Variants in SLC7A8 observed in about 807,000 individuals in gnomAD.
The protein encoded by SLC7A8 is large neutral amino acids transporter small subunit 2.
Under a neutral mutation model 51.2 loss-of-function variants are expected in SLC7A8, and 30 were observed. The ratio of observed to expected loss-of-function variants is 0.59; its 90% confidence interval spans 0.44 to 0.80. SLC7A8 has a LOEUF of 0.80. Ranked by LOEUF, SLC7A8 falls within the 30% of genes least tolerant of loss-of-function variation. The pLI is 0.00. For missense variants in SLC7A8, 612 were observed against 674.4 expected, an observed-to-expected ratio of 0.91 and a Z score of 1.03; for synonymous variants, 257 against 275.8, an observed-to-expected ratio of 0.93 and a Z score of 0.67.
At chr14:23,153,467 A>C (rs952881910) in intron 3 of SLC7A8, among the ~76,000 whole-genome samples, 5 of 152,240 alleles carry the variant, frequency 3.3e-5, no homozygotes, top group Middle Eastern at 6.8e-3. Context: ...AGTGGTACCC[A>C]TGGTCACTAC....
At chr14:23,144,996 G>A (rs1304716053) in intron 3 of SLC7A8, among the ~76,000 whole-genome samples, 2 of 149,344 alleles carry the variant, frequency 1.3e-5, no homozygotes, top group Non-Finnish European at 3.0e-5. Context: ...GCAGTGGCGC[G>A]ATCTCGGCTC....
At chr14:23,170,511 T>C (rs2048970383) in intron 1 of SLC7A8, among the ~76,000 whole-genome samples, 1 of 152,184 alleles carries the variant, frequency 6.6e-6, no homozygotes, top group Non-Finnish European at 1.5e-5. Flanking sequence ...CAGGCTGAAG[T>C]GCAGTGGTGC....
At position 23,183,496 on chromosome 14, in the gene SLC7A8, G is replaced by C. The variant is rs1276003404; in HGVS notation, c.-582C>G. Reference sequence around the variant, plus strand: ...GTTGCTCTAGATCTGGTTTCCACCTGCTTTGGGTTTCTTTTCCCTTCCCCG... The same window carrying C: ...GTTGCTCTAGATCTGGTTTCCACCTCCTTTGGGTTTCTTTTCCCTTCCCCG... On this transcript the variant is annotated 5_prime_UTR_variant, in exon 1 of 11. Transcript: ENST00000316902. 1 of 152,118 alleles carries C rather than the reference G, an allele frequency of 6.6e-6. No individual in the cohort carries two copies. The highest frequency in any genetic ancestry group is 1.5e-5 in the Non-Finnish European group (1 of 68,074). The allele number at this position is 152,118 out of a possible 1,614,324, so 9.4% of individuals were successfully genotyped here.
In SLC7A8 at chr14:23,165,807, A is replaced by G. The variant is rs188756595; in HGVS notation, c.357-371T>C. 2.6e-3 allele frequency among the ~76,000 whole-genome samples: 403 copies of G among 152,244 alleles called. 3 individuals carry two copies. Among genetic ancestry groups the G allele is most frequent in the Middle Eastern group, 3.4e-3 (1 of 294 alleles). Reference sequence around the variant, plus strand: ...TACGTAAGCAATAATCAGGAGAGGTATCAAGTGGGGGTTTGCAGGGGAAGC... The same window carrying G: ...TACGTAAGCAATAATCAGGAGAGGTGTCAAGTGGGGGTTTGCAGGGGAAGC... On this transcript the variant is annotated intron_variant, in intron 2 of 10. Transcript: ENST00000316902. The surrounding 1 kb of genome is among the most constrained non-coding windows in gnomAD (Gnocchi z 4.2).
At chr14:23,148,612 C>G (rs1304072492) in intron 3 of SLC7A8, among the ~76,000 whole-genome samples, 1 of 152,056 alleles carries the variant, frequency 6.6e-6, no homozygotes, top group South Asian at 2.1e-4. Context: ...AAGAGGGAGG[C>G]AAGAAGGTCA....
chr14:23,176,941 CAAAAAAA>C (rs10633003), intron 1 of SLC7A8, among the ~76,000 whole-genome samples: 1 of 72,868 alleles, frequency 1.4e-5, no homozygotes, highest in Non-Finnish European at 3.1e-5. Flanking sequence ...GACTCTGTCT[CAAAAAAA>C]AAAAAAAAAA....
At chr14:23,148,360 CTGGGATTA>C (rs1236012439) in intron 3 of SLC7A8, among the ~76,000 whole-genome samples, 2 of 152,154 alleles carry the variant, frequency 1.3e-5, no homozygotes, top group African/African-American at 4.8e-5. Context: ...TCCCAAGTAG[CTGGGATTA>C]CAGGTGTCCG....
At chr14:23,127,509 G>A (rs920896732) in intron 10 of SLC7A8, among the ~76,000 whole-genome samples, 166 bp from the exon 11 acceptor site, 2 of 152,150 alleles carry the variant, frequency 1.3e-5, no homozygotes, top group Non-Finnish European at 2.9e-5. Context: ...TGCATCTCCC[G>A]CCGGCTACTC....
At chr14:23,142,085 T>A (rs897795311) in intron 4 of SLC7A8, among the ~76,000 whole-genome samples, 1 of 152,216 alleles carries the variant, frequency 6.6e-6, no homozygotes, top group African/African-American at 2.4e-5. Context: ...GTTAAAGAAC[T>A]TAATCCAACT....
rs1182037989 is a variant in SLC7A8, at chr14:23,128,837, C to T, written c.1264-641G>A. Among the ~76,000 whole-genome samples the T allele has an allele frequency of 6.6e-6, 1 of 152,194 alleles. No individual in the cohort carries two copies. The highest frequency in any genetic ancestry group is 1.5e-5 in the Non-Finnish European group (1 of 68,038). ...TGTGTGGTGGGGACATGGGGTTATTCTACCTCCTCTTCCCTCTAGCAGATT... is the reference window on the plus strand; with the variant it reads ...TGTGTGGTGGGGACATGGGGTTATTTTACCTCCTCTTCCCTCTAGCAGATT... On this transcript the variant is annotated intron_variant, in intron 9 of 10. Coordinates refer to ENST00000316902, the MANE Select transcript of SLC7A8 (RefSeq NM_012244.4). This position sits in a 1 kb window ranked among gnomAD's most constrained non-coding sequence, Gnocchi z 4.3.
chr14:23,127,921 C>T (rs2048593081), intron 10 of SLC7A8, 98 bp downstream of exon 10: 1 of 1,062,256 alleles, frequency 9.4e-7, no homozygotes, highest in African/African-American at 1.6e-5. Context: ...GAAGGTGAGC[C>T]TAGATCTCCT....
intron 3 of SLC7A8, chr14:23,154,365 G>C (rs1236110939): frequency 3.0e-6 from 3 of 999,292 alleles, no homozygotes; most frequent in Admixed American, 6.1e-5. Flanking sequence ...GTCCCTCCCA[G>C]CAGCCCTCTG....
rs2048595089 is a variant in SLC7A8 at position 23,128,043 on chromosome 14, G to T, written c.1417C>A (p.Pro473Thr). 1.2e-6 allele frequency: 2 copies of T among 1,613,956 alleles called. No homozygotes were observed. The highest frequency in any genetic ancestry group is 4.5e-5 in the East Asian group (2 of 44,898). ...CCAATGAAGTCACTGAAACACTTGG[G>T]CTTGTGTTGCCAGTAAACACCCAGG... ...YFLGVYWQHKPKCFSDFIELL... is the reference protein window; with the variant it reads ...YFLGVYWQHKTKCFSDFIELL... The change falls in exon 10 of 11, where the codon CCC (proline) becomes ACC (threonine). Residue 473 changes from proline (P) to threonine (T), a missense_variant. Physicochemically the swap from Pro to Thr is conservative, Grantham distance 38 (BLOSUM62 -1). Coordinates refer to ENST00000316902, the MANE Select transcript of SLC7A8 (RefSeq NM_012244.4). The surrounding 1 kb of genome is among the most constrained non-coding windows in gnomAD (Gnocchi z 4.3).
intron 7 of SLC7A8, among the ~76,000 whole-genome samples, chr14:23,135,838 T>C (rs1284819906): frequency 6.6e-6 from 1 of 152,244 alleles, no homozygotes; most frequent in Non-Finnish European, 1.5e-5. Context: ...AAACATCATC[T>C]GTAGCTTGAA....
chr14:23,145,618 C>T (rs745464370), intron 3 of SLC7A8, among the ~76,000 whole-genome samples: 5 of 151,428 alleles, frequency 3.3e-5, no homozygotes, highest in Admixed American at 6.6e-5. Flanking sequence ...TTATCATTGG[C>T]GCCTGCAAAT....
intron 8 of SLC7A8, among the ~76,000 whole-genome samples, chr14:23,131,180 T>C (rs984665087): frequency 6.6e-6 from 1 of 152,150 alleles, no homozygotes; most frequent in Non-Finnish European, 1.5e-5. Context: ...GGCTGTAGAA[T>C]CCTGAGACAG....
Position 23,139,463 on chromosome 14 carries a change from C to A in SLC7A8, c.873G>T (p.Met291Ile). Residue 291 changes from methionine (M) to isoleucine (I), a missense_variant, in exon 6 of 11, where the codon ATG (methionine) becomes ATT (isoleucine). Physicochemically the swap from Met to Ile is conservative, Grantham distance 10 (BLOSUM62 1). Transcript: ENST00000316902. Reference protein sequence around the residue: ...VFANVAYVTAMSPQELLASNA... With the variant: ...VFANVAYVTAISPQELLASNA... Reference sequence around the variant, plus strand: ...TGGATGCCAGCAGCTCCTGGGGGGACATTGCAGTGACATAAGCGACATTGG... The same window carrying A: ...TGGATGCCAGCAGCTCCTGGGGGGAAATTGCAGTGACATAAGCGACATTGG... 6.2e-7 allele frequency: 1 copy of A among 1,614,114 alleles called. No homozygotes were observed.
intron 1 of SLC7A8, among the ~76,000 whole-genome samples, chr14:23,170,815 C>A (rs2048971885): frequency 6.6e-6 from 1 of 152,046 alleles, no homozygotes; most frequent in Admixed American, 6.6e-5. Context: ...AGCCTCAAAC[C>A]CCTGGGCTCA....
Position 23,165,150 on chromosome 14 carries a change from C to A in SLC7A8, c.508+135G>T. On this transcript the variant is annotated intron_variant, in intron 3 of 10. Coordinates refer to ENST00000316902, the MANE Select transcript of SLC7A8 (RefSeq NM_012244.4). The surrounding 1 kb of genome is among the most constrained non-coding windows in gnomAD (Gnocchi z 4.2). The stretch of plus-strand genomic sequence containing the variant: ...GGAGGATCACTTGAGCCCAGGAGTT[C>A]AAGGCTGCAGTGAGCTATGATCATG... The A allele has an allele frequency of 2.2e-6, 2 of 926,792 alleles. No homozygotes were observed. The highest frequency in any genetic ancestry group is 2.3e-5 in the South Asian group (1 of 42,678). The allele number at this position is 926,792 out of a possible 1,614,324, so 57.4% of individuals were successfully genotyped here. A position where few individuals can be genotyped will look rare whatever the true frequency, so the allele number is the denominator to read the frequency against.
Sources: gnomAD v4.1 joint callset for allele counts (sites outside exome capture counted in the v4.1 genomes callset) on GRCh38, gnomAD v4.1.1 for gene constraint, Gnocchi (gnomAD v3.1) non-coding constraint, MANE v1.5 for transcripts, NCBI Gene and HGNC (gene_info 2026-07-23, HGNC 2026-07-21) for gene names.